Variants in SETBP1 observed in about 807,000 individuals in gnomAD.
SETBP1 encodes the protein SET-binding protein.
Under a neutral mutation model 101.0 loss-of-function variants are expected in SETBP1, and 9 were observed. The observed-to-expected ratio is 0.09, with a 90% CI of 0.05 to 0.16. The LOEUF is 0.16. SETBP1 is among the 10% of genes least tolerant of loss of function. The probability of loss-of-function intolerance (pLI) is 1.00; values close to 1 mark genes in which losing one functional copy is unlikely to be tolerated. For missense variants in SETBP1, 1,858 were observed against 2,033.8 expected (o/e 0.91, Z 1.66); for synonymous variants, 818 against 788.5 (o/e 1.04, Z -0.63).
intron 2 of SETBP1, among the ~76,000 whole-genome samples, chr18:44,791,902 A>G (rs1194659728): frequency 1.3e-5 from 2 of 152,122 alleles, no homozygotes; most frequent in Admixed American, 1.3e-4. Context: ...GGCAGGTATC[A>G]TCTCTTCTTC....
intron 3 of SETBP1, among the ~76,000 whole-genome samples, chr18:44,943,930 G>C (rs62090475): frequency 0.1 from 15,677 of 151,538 alleles, 909 homozygotes; most frequent in East Asian, 0.18. Flanking sequence ...CACTTCCTGG[G>C]TTCAAGTGAT....
At chr18:45,022,630 G>A (rs767334841) in intron 4 of SETBP1, among the ~76,000 whole-genome samples, 41 of 152,158 alleles carry the variant, frequency 2.7e-4, no homozygotes, top group Non-Finnish European at 5.0e-4. Context: ...AGGGGTTCGA[G>A]ACCAGCCTGG....
intron 2 of SETBP1, among the ~76,000 whole-genome samples, chr18:44,821,218 A>G (rs565087062): frequency 1.3e-5 from 2 of 152,230 alleles, no homozygotes; most frequent in Admixed American, 6.5e-5. Context: ...TTCTCTGCCC[A>G]CCTTCCAGCA....
chr18:44,713,532 G>T (rs2069392210), intron 2 of SETBP1, among the ~76,000 whole-genome samples: 1 of 152,144 alleles, frequency 6.6e-6, no homozygotes, highest in Non-Finnish European at 1.5e-5. Flanking sequence ...CTTCTAAAAG[G>T]TGTAAGTGGG....
intron 5 of SETBP1, among the ~76,000 whole-genome samples, chr18:45,056,798 C>A (rs373401981): frequency 3.9e-5 from 6 of 152,298 alleles, no homozygotes; most frequent in East Asian, 3.9e-4. Flanking sequence ...TACCCCACTG[C>A]TTCACCTCTC....
At chr18:44,699,669 G>A (rs55684846) in intron 1 of SETBP1, among the ~76,000 whole-genome samples, 1 of 152,088 alleles carries the variant, frequency 6.6e-6, no homozygotes, top group Non-Finnish European at 1.5e-5. Context: ...AGCTGTATTC[G>A]TTGAATCTTC....
At chr18:45,029,760 C>A (rs2073250112) in intron 4 of SETBP1, among the ~76,000 whole-genome samples, 1 of 152,098 alleles carries the variant, frequency 6.6e-6, no homozygotes, top group Non-Finnish European at 1.5e-5. Context: ...GTATTTTATT[C>A]CCTTTGAAGC....
chr18:44,786,684 G>C (rs1217669347), intron 2 of SETBP1, among the ~76,000 whole-genome samples: 2 of 152,130 alleles, frequency 1.3e-5, no homozygotes, highest in Admixed American at 6.5e-5. Flanking sequence ...AAACTGCCCC[G>C]ACAGAAAGAA....
chr18:44,745,943 T>G (rs1311671791), intron 2 of SETBP1, among the ~76,000 whole-genome samples: 2 of 152,154 alleles, frequency 1.3e-5, no homozygotes, highest in Admixed American at 1.3e-4. Flanking sequence ...ATCCCTTCTC[T>G]GGCACCCTTC....
intron 3 of SETBP1, among the ~76,000 whole-genome samples, chr18:44,946,811 T>C (rs1158594246): frequency 6.6e-6 from 1 of 152,122 alleles, no homozygotes; most frequent in Non-Finnish European, 1.5e-5. Context: ...GACAGAAAAG[T>C]ACACAAATAA....
intron 4 of SETBP1, among the ~76,000 whole-genome samples, chr18:44,966,903 T>C (rs150995688): frequency 6.6e-4 from 101 of 152,328 alleles, no homozygotes; most frequent in Non-Finnish European, 8.8e-5. Context: ...CAGAGTTTTA[T>C]GAGAGCCAAA....
chr18:44,778,949 C>T (rs897175400), intron 2 of SETBP1, among the ~76,000 whole-genome samples: 2 of 151,970 alleles, frequency 1.3e-5, no homozygotes, highest in Non-Finnish European at 2.9e-5. Flanking sequence ...GCTGAGCAGC[C>T]GGGTGGAAGG....
intron 3 of SETBP1, among the ~76,000 whole-genome samples, chr18:44,934,206 T>C (rs950014177): frequency 4.4e-4 from 67 of 151,762 alleles, no homozygotes; most frequent in African/African-American, 1.6e-3. Flanking sequence ...TGGAGTGCAG[T>C]GGTGCAATCT....
At chr18:44,948,327 A>G (rs1384388675) in intron 3 of SETBP1, among the ~76,000 whole-genome samples, 1 of 152,200 alleles carries the variant, frequency 6.6e-6, no homozygotes, top group Non-Finnish European at 1.5e-5. Flanking sequence ...GGATTCCAGA[A>G]ACTAGTGTGA....
At chr18:44,989,817 C>T (rs2072319455) in intron 4 of SETBP1, among the ~76,000 whole-genome samples, 1 of 126,342 alleles carries the variant, frequency 7.9e-6, no homozygotes, top group Non-Finnish European at 1.6e-5. Flanking sequence ...TGCAGTGAGC[C>T]GAGATCCCGC....
At chr18:44,718,607 A>G (rs1444842655) in intron 2 of SETBP1, among the ~76,000 whole-genome samples, 2 of 152,316 alleles carry the variant, frequency 1.3e-5, no homozygotes, top group East Asian at 1.9e-4. Flanking sequence ...TCAACCAAAT[A>G]TATTTTCTTC....
chr18:44,847,795 T>A (rs779445977), intron 2 of SETBP1, among the ~76,000 whole-genome samples: 1 of 151,982 alleles, frequency 6.6e-6, no homozygotes, highest in African/African-American at 2.4e-5. Flanking sequence ...ATAAGCCGGG[T>A]CCAGAAGATA....
Position 44,747,721 on chromosome 18 carries a change from C to A in SETBP1, c.486+45889C>A, listed in dbSNP as rs142972947. 4.9e-4 allele frequency among the ~76,000 whole-genome samples: 75 copies of A among 152,358 alleles called. No homozygotes were observed. In the East Asian group the frequency reaches 0.013, roughly 26 times the overall value. ...AGAGGTGTTAGAGGTCAAAAAAATT[C>A]TCTGAGCAAGAAACATTGGGAAACA... On this transcript the variant is annotated intron_variant, in intron 2 of 5. Coordinates refer to ENST00000649279, the MANE Select transcript of SETBP1 (RefSeq NM_015559.3).
intron 2 of SETBP1, among the ~76,000 whole-genome samples, chr18:44,806,442 CTGTA>C (rs1331058277): frequency 6.6e-6 from 1 of 151,910 alleles, no homozygotes; most frequent in Non-Finnish European, 1.5e-5. Context: ...CTCTGTCTCG[CTGTA>C]TGTGTGTGTC....
Sources: gnomAD v4.1 joint callset for allele counts (sites outside exome capture counted in the v4.1 genomes callset) on GRCh38, gnomAD v4.1.1 for gene constraint, MANE v1.5 for transcripts, NCBI Gene and HGNC (gene_info 2026-07-23, HGNC 2026-07-21) for gene names.